CRMP1: variants seen among roughly 807,000 people sequenced by gnomAD.
CRMP1 encodes collapsin response mediator protein 1.
In CRMP1, 19 loss-of-function variants were observed where a neutral mutation model predicts 68.3. The ratio of observed to expected loss-of-function variants is 0.28; its 90% confidence interval spans 0.19 to 0.41. The LOEUF is 0.41. Ranked by LOEUF, CRMP1 falls within the 10% of genes least tolerant of loss-of-function variation. CRMP1 has a pLI of 1.00. For missense variants in CRMP1, 791 were observed against 967.4 expected, an observed-to-expected ratio of 0.82 and a Z score of 2.42; for synonymous variants, 439 against 399.6, an observed-to-expected ratio of 1.10 and a Z score of -1.18.
intron 13 of CRMP1, chr4:5,824,346 T>A: frequency 1.0e-6 from 1 of 985,402 alleles, no homozygotes; most frequent in Non-Finnish European, 1.2e-6. Flanking sequence ...TGGAAGCTCT[T>A]CCATCAAAGT....
In CRMP1 at chr4:5,883,680, A is replaced by G. The variant is rs1715377712; in HGVS notation, c.381+8909T>C. ...GACACACACACACACACACACACAC[A>G]TGCTTGCCCACCACACCTGCTGGTT... On this transcript the variant is annotated intron_variant, in intron 1 of 13. Transcript: ENST00000324989. The surrounding 1 kb of genome is among the most constrained non-coding windows in gnomAD (Gnocchi z 4.5). Among the ~76,000 whole-genome samples the G allele has an allele frequency of 6.7e-6, 1 of 148,364 alleles. No homozygotes were observed. Among genetic ancestry groups the G allele is most frequent in the Admixed American group, 6.7e-5 (1 of 14,886 alleles).
chr4:5,846,599 CT>C (rs34423528), intron 6 of CRMP1, among the ~76,000 whole-genome samples: 33 of 147,582 alleles, frequency 2.2e-4, no homozygotes, highest in Admixed American at 6.1e-4. Flanking sequence ...CCCCAAAATT[CT>C]TTTTTTTTTT....
rs143304363 is a variant in CRMP1, at chr4:5,892,859, G to A, written c.111C>T (p.Ala37=). ...TGTTCTCGTAGGCGCCCTCCACCGCGGCGAACATGCCGCCGTACTTCTGGC... is the reference window on the plus strand; with the variant it reads ...TGTTCTCGTAGGCGCCCTCCACCGCAGCGAACATGCCGCCGTACTTCTGGC... The part of the protein sequence containing the change: ...TPRQKYGGMF[A]AVEGAYENKT... The change falls in exon 1 of 14, where the codon GCC becomes GCT. Residue 37 remains alanine (A), a synonymous_variant. Transcript: ENST00000324989. This position sits in a 1 kb window ranked among gnomAD's most constrained non-coding sequence, Gnocchi z 8.6. 102,353 of 1,414,996 alleles carry A rather than the reference G, an allele frequency of 0.072. 4,153 individuals are homozygous for A. The highest frequency in any genetic ancestry group is 0.1 in the South Asian group (7,524 of 73,010). 87.7% of individuals were successfully genotyped at this position (1,414,996 alleles called of 1,614,324 possible).
chr4:5,852,117 G>C (rs1712703585), intron 4 of CRMP1, among the ~76,000 whole-genome samples: 1 of 152,208 alleles, frequency 6.6e-6, no homozygotes, highest in Non-Finnish European at 1.5e-5. Context: ...TAGTCATGCA[G>C]CTTCTAGAAA....
At chr4:5,867,984 G>A (rs1714115751) in intron 1 of CRMP1, among the ~76,000 whole-genome samples, 1 of 151,890 alleles carries the variant, frequency 6.6e-6, no homozygotes, top group Admixed American at 6.6e-5. Flanking sequence ...TGTTCTCCAA[G>A]GGATGTTTTC....
At chr4:5,827,897 TA>T in intron 12 of CRMP1, 2 of 428,880 alleles carry the variant, frequency 4.7e-6, no homozygotes, top group Non-Finnish European at 6.2e-6. Context: ...TGAGTTGCTC[TA>T]AAGTTAGGAA....
Position 5,892,735 on chromosome 4 carries a change from C to A in CRMP1, c.235G>T (p.Gly79Ter). The change falls in exon 1 of 14, where the codon GGA (glycine) becomes TGA (stop). Residue 79 changes from glycine (G) to a stop codon, truncating the protein, a stop_gained. Coordinates refer to ENST00000324989, the MANE Select transcript of CRMP1 (RefSeq NM_001014809.3). LOFTEE classifies it high-confidence loss of function. This position sits in a 1 kb window ranked among gnomAD's most constrained non-coding sequence, Gnocchi z 8.6. ...TCGCTGGCCGTGTCCTCGCTGCCTC[C>A]CGGCCCTGGCAGCCCGACCGCGTCG... ...RPDAVGLPGP[G>*]GSEDTASDVS... 8.2e-7 allele frequency: 1 copy of A among 1,225,876 alleles called. No homozygotes were observed. Among genetic ancestry groups the A allele is most frequent in the South Asian group, 3.5e-5 (1 of 28,524 alleles). The allele number at this position is 1,225,876 out of a possible 1,614,324, so 75.9% of individuals were successfully genotyped here.
In CRMP1 at chr4:5,892,346, G is replaced by A. The variant is rs1715990933; in HGVS notation, c.381+243C>T. The stretch of plus-strand genomic sequence containing the variant: ...TCTCCCTTTCTGTAGAAGAGGAGCC[G>A]GGACTGGACCCGGGCGATCCCTTCC... On this transcript the variant is annotated intron_variant, in intron 1 of 13. Transcript: ENST00000324989. This position sits in a 1 kb window ranked among gnomAD's most constrained non-coding sequence, Gnocchi z 8.6. Among the ~76,000 whole-genome samples, 1 of 141,752 alleles carries A rather than the reference G, an allele frequency of 7.1e-6. No individual in the cohort carries two copies. Among genetic ancestry groups the A allele is most frequent in the Non-Finnish European group, 1.5e-5 (1 of 67,948 alleles). 93.0% of individuals were successfully genotyped at this position (141,752 alleles called of 152,430 possible).
At position 5,892,499 on chromosome 4, in the gene CRMP1, G is replaced by A. The variant is rs1402718559; in HGVS notation, c.381+90C>T. The A allele has an allele frequency of 6.2e-6, 7 of 1,121,118 alleles. No individual in the cohort carries two copies. The highest frequency in any genetic ancestry group is 3.8e-4 in the Middle Eastern group (1 of 2,650). 69.4% of individuals were successfully genotyped at this position (1,121,118 alleles called of 1,614,324 possible). The stretch of plus-strand genomic sequence containing the variant: ...GCCTGGCGGCCGCTGCCCCAACACC[G>A]GGGCCCGGGCATGGCCCTCGGGCGC... On this transcript the variant is annotated intron_variant, in intron 1 of 13. Transcript: ENST00000324989. The surrounding 1 kb of genome is among the most constrained non-coding windows in gnomAD (Gnocchi z 8.6).
rs951340285 is a variant in CRMP1 at position 5,855,072 on chromosome 4, T to C, written c.820+1071A>G. Reference sequence around the variant, plus strand: ...TAAAAAGTTATTGATGAAAAGTAATTTGACTCATAAAATGTTAAGTGAAAA... The same window carrying C: ...TAAAAAGTTATTGATGAAAAGTAATCTGACTCATAAAATGTTAAGTGAAAA... On this transcript the variant is annotated intron_variant, in intron 4 of 13. Transcript: ENST00000324989. The surrounding 1 kb of genome is among the most constrained non-coding windows in gnomAD (Gnocchi z 4.9). 6.6e-6 allele frequency among the ~76,000 whole-genome samples: 1 copy of C among 152,204 alleles called. No homozygotes were observed. The highest frequency in any genetic ancestry group is 1.5e-5 in the Non-Finnish European group (1 of 68,036).
intron 4 of CRMP1, among the ~76,000 whole-genome samples, chr4:5,851,751 G>C (rs1326166580): frequency 1.3e-5 from 2 of 150,486 alleles, no homozygotes; most frequent in African/African-American, 4.9e-5. Flanking sequence ...GGAGGAAGAG[G>C]AGAAGGAGGA....
rs35551598 is a variant in CRMP1 at position 5,854,399 on chromosome 4, G to GTTT, written c.820+1741_820+1743dup. On this transcript the variant is annotated intron_variant, in intron 4 of 13. Transcript: ENST00000324989. The surrounding 1 kb of genome is among the most constrained non-coding windows in gnomAD (Gnocchi z 4.0). ...GGCGTACACCACCACTCCTGGCTAT[G>GTTT]TTTTTTTTTTTTTTTTTTTTTTTTT... Among the ~76,000 whole-genome samples the GTTT allele has an allele frequency of 3.8e-4, 27 of 70,860 alleles. No individual in the cohort carries two copies. The highest frequency in any genetic ancestry group is 1.6e-3 in the African/African-American group (26 of 16,528). 46.5% of individuals were successfully genotyped at this position (70,860 alleles called of 152,430 possible).
In CRMP1 at chr4:5,889,527, G is replaced by A; in HGVS notation, c.381+3062C>T. 6.6e-7 allele frequency: 1 copy of A among 1,524,916 alleles called. No individual in the cohort carries two copies. Among genetic ancestry groups the A allele is most frequent in the Non-Finnish European group, 8.8e-7 (1 of 1,136,992 alleles). The allele number at this position is 1,524,916 out of a possible 1,614,324, so 94.5% of individuals were successfully genotyped here. A position where few individuals can be genotyped will look rare whatever the true frequency, so the allele number is the denominator to read the frequency against. On this transcript the variant is annotated intron_variant, in intron 1 of 13. Coordinates refer to ENST00000324989, the MANE Select transcript of CRMP1 (RefSeq NM_001014809.3). The surrounding 1 kb of genome is among the most constrained non-coding windows in gnomAD (Gnocchi z 4.5). ...TGACAAGGTCCGTAACAGCAGAGGGGAAAAGATGAAAGAAGATGGAGGAAA... is the reference window on the plus strand; with the variant it reads ...TGACAAGGTCCGTAACAGCAGAGGGAAAAAGATGAAAGAAGATGGAGGAAA...
chr4:5,822,948 C>G (rs571479585), intron 13 of CRMP1, among the ~76,000 whole-genome samples: 6 of 152,326 alleles, frequency 3.9e-5, no homozygotes, highest in African/African-American at 1.4e-4. Context: ...TGTTTCCTTG[C>G]AGTCGGCTCC....
chr4:5,868,290 T>TATATATATATATATATATAGATAG (rs1205965019), intron 1 of CRMP1, among the ~76,000 whole-genome samples: 2 of 131,396 alleles, frequency 1.5e-5, no homozygotes, highest in Non-Finnish European at 3.1e-5. Context: ...TATATATATA[T>TATATATATATATATATATAGATAG]ATATATATAT....
At chr4:5,827,187 C>G (rs945997012) in intron 12 of CRMP1, among the ~76,000 whole-genome samples, 2 of 152,234 alleles carry the variant, frequency 1.3e-5, no homozygotes, top group African/African-American at 4.8e-5. Flanking sequence ...CTCACGGAAG[C>G]TGACTGTTAA....
In CRMP1 at chr4:5,891,612, C is replaced by T. The variant is rs1412722993; in HGVS notation, c.381+977G>A. 6.6e-6 allele frequency among the ~76,000 whole-genome samples: 1 copy of T among 152,190 alleles called. No homozygotes were observed. The highest frequency in any genetic ancestry group is 1.9e-4 in the East Asian group (1 of 5,192). On this transcript the variant is annotated intron_variant, in intron 1 of 13. Coordinates refer to ENST00000324989, the MANE Select transcript of CRMP1 (RefSeq NM_001014809.3). The surrounding 1 kb of genome is among the most constrained non-coding windows in gnomAD (Gnocchi z 5.2). ...GCTGAGCCAGGGACCTAGCGCCTAC[C>T]CTGGGCCTGGCACCTAGCAGTTCTC...
chr4:5,827,517 C>G (rs535338841), intron 12 of CRMP1, among the ~76,000 whole-genome samples: 23 of 152,238 alleles, frequency 1.5e-4, no homozygotes, highest in African/African-American at 5.5e-4. Context: ...CTGGACTTCT[C>G]CATCTCAATT....
chr4:5,884,830 C>T (rs1397530898), intron 1 of CRMP1, among the ~76,000 whole-genome samples: 1 of 152,026 alleles, frequency 6.6e-6, no homozygotes, highest in African/African-American at 2.4e-5. Flanking sequence ...GCAGGCCTCC[C>T]CACTTCGGTA....
Sources: allele counts gnomAD v4.1 joint callset (sites outside exome capture counted in the v4.1 genomes callset), GRCh38; gene constraint gnomAD v4.1.1; non-coding constraint Gnocchi (gnomAD v3.1); transcripts MANE v1.5; gene names NCBI Gene and HGNC (gene_info 2026-07-23, HGNC 2026-07-21).